Variants in IPMK observed in about 807,000 individuals in gnomAD.
IPMK encodes inositol 1,3,4,6-tetrakisphosphate 5-kinase.
In IPMK, 17 loss-of-function variants were observed where a neutral mutation model predicts 45.8. That is an observed-to-expected ratio of 0.37 (90% CI 0.25 to 0.56). The LOEUF is 0.56. IPMK is among the 20% of genes least tolerant of loss of function. The probability of loss-of-function intolerance (pLI) is 0.79; values close to 1 mark genes in which losing one functional copy is unlikely to be tolerated. For synonymous variants in IPMK, 180 were observed against 184.3 expected, an observed-to-expected ratio of 0.98 and a Z score of 0.19; for missense variants, 399 against 498.0, an observed-to-expected ratio of 0.80 and a Z score of 1.89.
intron 4 of IPMK, among the ~76,000 whole-genome samples, chr10:58,205,987 C>T (rs1324562120): frequency 6.6e-6 from 1 of 152,182 alleles, no homozygotes; most frequent in East Asian, 1.9e-4. Flanking sequence ...CATATACCTA[C>T]ACAGAAACTT....
intron 3 of IPMK, among the ~76,000 whole-genome samples, chr10:58,218,313 C>T (rs1225313240): frequency 6.6e-6 from 1 of 152,132 alleles, no homozygotes; most frequent in Non-Finnish European, 1.5e-5. Flanking sequence ...ATATCCTGAT[C>T]AAGGAGTTGG....
chr10:58,206,372 T>C (rs1282887563), intron 4 of IPMK, among the ~76,000 whole-genome samples: 2 of 152,186 alleles, frequency 1.3e-5, no homozygotes, highest in Non-Finnish European at 2.9e-5. Context: ...TACTGTAAGT[T>C]GAATGTGGTA....
intron 1 of IPMK, among the ~76,000 whole-genome samples, chr10:58,244,054 G>A (rs76015375): frequency 0.048 from 7,166 of 150,182 alleles, 410 homozygotes; most frequent in East Asian, 0.3. Flanking sequence ...ACCTCTGCCC[G>A]GCCGCTCTTC....
intron 5 of IPMK, among the ~76,000 whole-genome samples, chr10:58,197,522 C>T (rs1014130735): frequency 5.3e-5 from 8 of 151,200 alleles, no homozygotes; most frequent in East Asian, 2.0e-4. Flanking sequence ...TGGTGGCGGA[C>T]GCCTGTAGTC....
At chr10:58,233,231 C>T (rs1275450454) in intron 2 of IPMK, among the ~76,000 whole-genome samples, 4 of 152,174 alleles carry the variant, frequency 2.6e-5, no homozygotes, top group Non-Finnish European at 5.9e-5. Context: ...CAGCCGAATT[C>T]TACCAGAAGT....
At chr10:58,234,230 C>T (rs562642820) in intron 2 of IPMK, among the ~76,000 whole-genome samples, 1 of 152,200 alleles carries the variant, frequency 6.6e-6, no homozygotes, top group Non-Finnish European at 1.5e-5. Context: ...GTGAAAATGG[C>T]CATACTGCCC....
intron 1 of IPMK, 33 bp from the exon 2 acceptor site, chr10:58,237,847 TTTAA>T (rs1196655116): frequency 6.8e-7 from 1 of 1,460,608 alleles, no homozygotes; most frequent in Non-Finnish European, 9.6e-7. Flanking sequence ...TGTTTAATGC[TTTAA>T]TAATAGTAAA....
intron 1 of IPMK, among the ~76,000 whole-genome samples, chr10:58,251,561 A>T (rs1245112711): frequency 2.6e-5 from 4 of 152,138 alleles, no homozygotes. Flanking sequence ...TCATGTGTCT[A>T]TTGCCAAAAG....
At chr10:58,252,437 T>G (rs988528801) in intron 1 of IPMK, among the ~76,000 whole-genome samples, 2 of 40,792 alleles carry the variant, frequency 4.9e-5, no homozygotes, top group East Asian at 1.5e-3. Context: ...AATTTGACTG[T>G]TTTTTTTTTT....
chr10:58,220,601 G>A (rs1342637200), intron 3 of IPMK, among the ~76,000 whole-genome samples: 1 of 152,072 alleles, frequency 6.6e-6, no homozygotes, highest in East Asian at 1.9e-4. Flanking sequence ...GACTAAATGA[G>A]ATAATATACA....
At chr10:58,235,933 T>TA (rs1375601264) in intron 2 of IPMK, among the ~76,000 whole-genome samples, 1 of 139,748 alleles carries the variant, frequency 7.2e-6, no homozygotes, top group African/African-American at 2.7e-5. Context: ...CTTAAAGAAC[T>TA]TTTTTTTTTT....
rs371337489 is a variant in IPMK at position 58,267,504 on chromosome 10, C to T, written c.108G>A (p.Ala36=). The change falls in exon 1 of 6, where the codon GCG becomes GCA. Residue 36 remains alanine (A), a synonymous_variant. Transcript: ENST00000373935. ...ESTPEGTPQP[A]GGRLRFLNGC... ...CGTTGAGGAAGCGGAGTCTGCCGCC[C>T]GCCGGCTGCGGGGTGCCCTCAGGGG... The T allele has an allele frequency of 1.2e-6, 2 of 1,613,328 alleles. No homozygotes were observed. Among genetic ancestry groups the T allele is most frequent in the Non-Finnish European group, 1.7e-6 (2 of 1,179,838 alleles).
In IPMK at chr10:58,192,329, T is replaced by C. The variant is rs1399035306; in HGVS notation, c.*3747A>G. 6.6e-6 allele frequency: 1 copy of C among 152,024 alleles called. No homozygotes were observed. The highest frequency in any genetic ancestry group is 1.5e-5 in the Non-Finnish European group (1 of 67,888). 9.4% of individuals were successfully genotyped at this position (152,024 alleles called of 1,614,324 possible). A position where few individuals can be genotyped will look rare whatever the true frequency, so the allele number is the denominator to read the frequency against. On this transcript the variant is annotated 3_prime_UTR_variant, in exon 6 of 6. Coordinates refer to ENST00000373935, the MANE Select transcript of IPMK (RefSeq NM_152230.5). ...ATTTGCTTGGGAATATGTAATGGAA[T>C]GTTTTTCACAGTAATGTTTATGTTA...
chr10:58,223,396 G>A (rs1465031382), intron 3 of IPMK, among the ~76,000 whole-genome samples: 1 of 152,090 alleles, frequency 6.6e-6, no homozygotes, highest in Non-Finnish European at 1.5e-5. Context: ...TCACTAAATA[G>A]TAAAGATGAA....
intron 4 of IPMK, among the ~76,000 whole-genome samples, chr10:58,206,689 G>A (rs1838075786): frequency 6.6e-6 from 1 of 151,988 alleles, no homozygotes; most frequent in Admixed American, 6.5e-5. Flanking sequence ...ACATGGATAA[G>A]TTCTTCAGTG....
At chr10:58,220,363 G>T (rs916829451) in intron 3 of IPMK, among the ~76,000 whole-genome samples, 21 of 152,216 alleles carry the variant, frequency 1.4e-4, no homozygotes, top group African/African-American at 4.1e-4. Context: ...ATCCTTATAA[G>T]AACTTTTCCT....
In IPMK at chr10:58,213,151, T is replaced by A. The variant is rs564367236; in HGVS notation, c.546+2994A>T. ...AGGAAAGGGGAACCATGGAAAAAGT[T>A]ATGTCAGTTTTTTATGTACTGAGTT... On this transcript the variant is annotated intron_variant, in intron 4 of 5. Coordinates refer to ENST00000373935, the MANE Select transcript of IPMK (RefSeq NM_152230.5). 3 of 152,356 alleles carry A rather than the reference T, an allele frequency of 2.0e-5. No homozygotes were observed. The East Asian group carries it at 5.8e-4, about 29-fold the overall frequency. The allele number at this position is 152,356 out of a possible 1,614,324, so 9.4% of individuals were successfully genotyped here.
chr10:58,214,342 T>C (rs1838213680), intron 4 of IPMK, among the ~76,000 whole-genome samples: 1 of 152,042 alleles, frequency 6.6e-6, no homozygotes, highest in South Asian at 2.1e-4. Flanking sequence ...TTAAGGGAAA[T>C]CCTGTTGGAT....
At chr10:58,253,734 C>CAAAAAAAA (rs1183304261) in intron 1 of IPMK, among the ~76,000 whole-genome samples, 1 of 49,882 alleles carries the variant, frequency 2.0e-5, no homozygotes, top group Non-Finnish European at 3.8e-5. Flanking sequence ...ACTCCATCTC[C>CAAAAAAAA]AAAAAAAAAA....
Sources: allele counts gnomAD v4.1 joint callset (sites outside exome capture counted in the v4.1 genomes callset), GRCh38; gene constraint gnomAD v4.1.1; transcripts MANE v1.5; gene names NCBI Gene and HGNC (gene_info 2026-07-23, HGNC 2026-07-21).